Variants in WBP2NL observed in about 807,000 individuals in gnomAD.
WBP2NL encodes postacrosomal sheath WW domain-binding protein.
WBP2NL carries 27 observed loss-of-function variants against 23.3 expected under a neutral mutation model. That is an observed-to-expected ratio of 1.16 (90% confidence interval 0.85 to 1.60). The LOEUF (loss-of-function observed/expected upper bound fraction) is 1.60. Among genes scored for constraint, WBP2NL ranks in the 40% most tolerant of loss-of-function variants. The pLI, the probability that WBP2NL is intolerant of heterozygous loss-of-function variation, is 0.00. For missense variants in WBP2NL, 370 were observed against 389.5 expected, an observed-to-expected ratio of 0.95 and a Z score of 0.42; for synonymous variants, 151 against 145.9, an observed-to-expected ratio of 1.03 and a Z score of -0.25.
At chr22:42,035,346 C>G (rs1278222343), downstream of WBP2NL, among the ~76,000 whole-genome samples, 2 of 152,268 alleles carry the variant, frequency 1.3e-5, no homozygotes, top group Non-Finnish European at 2.9e-5. Flanking sequence ...GGAGCTGTGC[C>G]TGGGAGGGTG....
intron 8 of WBP2NL, among the ~76,000 whole-genome samples, chr22:42,056,666 T>G (rs1372404465): frequency 6.6e-6 from 1 of 152,220 alleles, no homozygotes; most frequent in Non-Finnish European, 1.5e-5. Context: ...AGTCTTTTTC[T>G]TTCAACACTT....
intron 1 of WBP2NL, among the ~76,000 whole-genome samples, chr22:42,000,762 A>C (rs1261606905): frequency 1.5e-5 from 2 of 134,250 alleles, no homozygotes; most frequent in Non-Finnish European, 3.2e-5. Context: ...CCCCATCTCT[A>C]CTAAAAATAC....
intron 1 of WBP2NL, among the ~76,000 whole-genome samples, chr22:42,016,793 A>T (rs1219041883): frequency 6.6e-6 from 1 of 152,152 alleles, no homozygotes; most frequent in African/African-American, 2.4e-5. Flanking sequence ...TTTACCTTGC[A>T]TCAGGACTAT....
At chr22:42,040,195 G>T (rs865812214) in intron 8 of WBP2NL, among the ~76,000 whole-genome samples, 3 of 151,066 alleles carry the variant, frequency 2.0e-5, no homozygotes, top group Non-Finnish European at 3.0e-5. Flanking sequence ...CCAATGTTAG[G>T]TTCTTTAATT....
At chr22:42,019,196 G>T (rs1053878280) in intron 1 of WBP2NL, 115 bp from the exon 2 acceptor site, 11 of 892,596 alleles carry the variant, frequency 1.2e-5, no homozygotes, top group Non-Finnish European at 1.9e-5. Context: ...ACTCCCGCCT[G>T]GGCAACAGAG....
At position 42,027,807 on chromosome 22, in the gene WBP2NL, T is replaced by G. The variant is rs1044636723; in HGVS notation, c.*626T>G. 7.6e-6 allele frequency: 3 copies of G among 396,320 alleles called. No homozygotes were observed. The highest frequency in any genetic ancestry group is 6.2e-5 in the African/African-American group (3 of 48,578). The allele number at this position is 396,320 out of a possible 1,614,324, so 24.6% of individuals were successfully genotyped here. A position where few individuals can be genotyped will look rare whatever the true frequency, so the allele number is the denominator to read the frequency against. On this transcript the variant is annotated 3_prime_UTR_variant, in exon 6 of 6. Coordinates refer to ENST00000328823, the MANE Select transcript of WBP2NL (RefSeq NM_152613.3). Reference sequence around the variant, plus strand: ...GGCAACAGAATAGGAAAAAGTGATTTTCAACATATATATTAATTTATAGTC... The same window carrying G: ...GGCAACAGAATAGGAAAAAGTGATTGTCAACATATATATTAATTTATAGTC...
At chr22:42,003,659 C>G (rs561295285) in intron 1 of WBP2NL, among the ~76,000 whole-genome samples, 1 of 152,210 alleles carries the variant, frequency 6.6e-6, no homozygotes, top group East Asian at 1.9e-4. Flanking sequence ...TATGAGGAGT[C>G]TTCAAAAAGA....
At chr22:42,054,593 T>TA (rs1312618925) in intron 8 of WBP2NL, among the ~76,000 whole-genome samples, 1 of 152,142 alleles carries the variant, frequency 6.6e-6, no homozygotes, top group Admixed American at 6.5e-5. Context: ...TTTTCAGTCT[T>TA]ACATTTAGGT....
chr22:42,021,789 CTTTT>C (rs11413615), intron 4 of WBP2NL, among the ~76,000 whole-genome samples: 11 of 132,676 alleles, frequency 8.3e-5, no homozygotes, highest in East Asian at 2.2e-4. Context: ...TTCTTTCTTT[CTTTT>C]TTTTTTTTTT....
chr22:42,014,433 C>T (rs544118637), intron 1 of WBP2NL, among the ~76,000 whole-genome samples: 7 of 152,046 alleles, frequency 4.6e-5, no homozygotes, highest in Non-Finnish European at 8.8e-5. Flanking sequence ...CACCATGTTG[C>T]CCTTGCTGGT....
chr22:42,026,959 AGGATATGGAGCCCCACCTCTT>A lies in WBP2NL; in HGVS notation c.718_738del (p.Ala240_Gly246del), dbSNP rs768906185. On this transcript the variant is annotated inframe_deletion, in exon 6 of 6. Transcript: ENST00000328823. ...CTGCAGGATATGGAGCCCCACCTCT[AGGATATGGAGCCCCACCTCTT>A]GGATATGGAACCCCACCTCTCGGAT... The A allele has an allele frequency of 3.3e-5, 53 of 1,602,824 alleles. 1 individual carries two copies. The highest frequency in any genetic ancestry group is 3.3e-4 in the Middle Eastern group (2 of 6,010).
intron 8 of WBP2NL, among the ~76,000 whole-genome samples, chr22:42,041,381 C>T (rs1462483844): frequency 6.7e-6 from 1 of 150,104 alleles, no homozygotes; most frequent in African/African-American, 2.5e-5. Flanking sequence ...ACTCGGGGGG[C>T]TGAGGCAGGA....
At chr22:42,001,229 C>T in intron 1 of WBP2NL, 1 of 703,416 alleles carries the variant, frequency 1.4e-6, no homozygotes, top group Admixed American at 2.1e-5. Flanking sequence ...GATGTCAGTT[C>T]CTTTGCATCC....
chr22:42,055,263 G>A (rs933937727), intron 8 of WBP2NL, among the ~76,000 whole-genome samples: 8 of 152,104 alleles, frequency 5.3e-5, no homozygotes, highest in Non-Finnish European at 8.8e-5. Context: ...TACAACCTCC[G>A]CCTCAGGGTT....
chr22:42,015,817 G>A (rs1022936362), intron 1 of WBP2NL, among the ~76,000 whole-genome samples: 2 of 152,170 alleles, frequency 1.3e-5, no homozygotes, highest in Admixed American at 6.5e-5. Flanking sequence ...GGACATGTAT[G>A]TGTATGGCTT....
intron 8 of WBP2NL, among the ~76,000 whole-genome samples, chr22:42,057,869 GTATATATATATATATATATA>G (rs5845518): frequency 1.8e-4 from 6 of 32,540 alleles, no homozygotes; most frequent in South Asian, 1.6e-3. Context: ...GTGTGTGTAT[GTATATATATATATATATATA>G]TATATATATA....
chr22:42,040,965 C>G (rs1925380102), intron 8 of WBP2NL, among the ~76,000 whole-genome samples: 1 of 152,126 alleles, frequency 6.6e-6, no homozygotes, highest in African/African-American at 2.4e-5. Context: ...TATTGGTTGT[C>G]TGCCTGAATG....
chr22:42,038,289 CAT>C (rs922159059), intron 8 of WBP2NL, among the ~76,000 whole-genome samples: 1 of 152,146 alleles, frequency 6.6e-6, no homozygotes, highest in African/African-American at 2.4e-5. Context: ...GGTTGATTTT[CAT>C]ATGTTAACTG....
chr22:42,008,206 C>T (rs1186284837), intron 1 of WBP2NL, among the ~76,000 whole-genome samples: 1 of 126,636 alleles, frequency 7.9e-6, no homozygotes, highest in Non-Finnish European at 1.7e-5. Flanking sequence ...CTCCCCCTCT[C>T]CTCCCCTCCC....
Sources: allele counts gnomAD v4.1 joint callset (sites outside exome capture counted in the v4.1 genomes callset), GRCh38; gene constraint gnomAD v4.1.1; transcripts MANE v1.5; gene names NCBI Gene and HGNC (gene_info 2026-07-23, HGNC 2026-07-21).